Variants in P3H2 observed in about 807,000 individuals in gnomAD.
P3H2 encodes the protein leprecan-like 1.
A neutral mutation model predicts 87.0 loss-of-function variants in P3H2; 80 were observed. That is an observed-to-expected ratio of 0.92 (90% CI 0.77 to 1.11). The LOEUF (loss-of-function observed/expected upper bound fraction) is 1.11, where lower values mean the gene tolerates loss of function less well. Among genes scored for constraint, P3H2 ranks in the 50% least tolerant of loss-of-function variants. The pLI is 0.00. For missense variants in P3H2, 1,001 were observed against 923.9 expected (o/e 1.08, Z -1.08); for synonymous variants, 367 against 359.3 (o/e 1.02, Z -0.24).
At chr3:189,970,713 G>A in intron 13 of P3H2, 103 bp downstream of exon 13, 2 of 736,630 alleles carry the variant, frequency 2.7e-6, no homozygotes, top group Non-Finnish European at 4.9e-6. Context: ...TTGAAATCTT[G>A]AGCTCAGAAG....
intron 1 of P3H2, among the ~76,000 whole-genome samples, chr3:190,048,606 A>G (rs1322515096): frequency 6.6e-6 from 1 of 152,230 alleles, no homozygotes; most frequent in African/African-American, 2.4e-5. Flanking sequence ...CAAGTATATT[A>G]AAAAACAAAC....
At chr3:189,997,054 G>A (rs1257408745) in intron 1 of P3H2, among the ~76,000 whole-genome samples, 3 of 152,232 alleles carry the variant, frequency 2.0e-5, no homozygotes, top group South Asian at 2.1e-4. Flanking sequence ...ACGGAGTCTT[G>A]CTCTGTTGCC....
intron 1 of P3H2, among the ~76,000 whole-genome samples, chr3:190,032,845 G>A (rs1294686971): frequency 6.6e-6 from 1 of 152,116 alleles, no homozygotes; most frequent in Non-Finnish European, 1.5e-5. Context: ...GGATTGTGAG[G>A]AGGTAGGGTA....
rs200896658 is a variant in P3H2 at position 189,974,548 on chromosome 3, G to A, written c.1452+10C>T. On this transcript the variant is annotated intron_variant, in intron 9 of 14. Coordinates refer to ENST00000319332, the MANE Select transcript of P3H2 (RefSeq NM_018192.4). ...GCGCAGTGAGCTCCCCTCCTTCTCC[G>A]GATCCTCACACTGGCCACGCTGTGG... is the stretch of plus-strand genomic sequence containing the variant. 69 of 1,613,152 alleles carry A rather than the reference G, an allele frequency of 4.3e-5. No individual in the cohort carries two copies. Among genetic ancestry groups the A allele is most frequent in the African/African-American group, 2.3e-4 (17 of 74,986 alleles).
At chr3:189,976,085 TA>T (rs11294009) in intron 8 of P3H2, among the ~76,000 whole-genome samples, 79,811 of 151,446 alleles carry the variant, frequency 0.53, 21,609 homozygotes, top group East Asian at 0.8. Context: ...TTTCTGAAAA[TA>T]AAAAGCTACC....
At chr3:190,099,416 T>C (rs1711539753) in intron 1 of P3H2, among the ~76,000 whole-genome samples, 1 of 152,212 alleles carries the variant, frequency 6.6e-6, no homozygotes, top group Non-Finnish European at 1.5e-5. Flanking sequence ...AACGGGTATA[T>C]ATGCAGGGGG....
chr3:190,007,181 G>A (rs917303669), intron 1 of P3H2, among the ~76,000 whole-genome samples: 3 of 152,134 alleles, frequency 2.0e-5, no homozygotes, highest in African/African-American at 7.2e-5. Flanking sequence ...CATTAGCCTG[G>A]TTGTTGTAGG....
chr3:190,079,394 T>C (rs1359231269), intron 1 of P3H2, among the ~76,000 whole-genome samples: 3 of 149,270 alleles, frequency 2.0e-5, no homozygotes, highest in Admixed American at 6.8e-5. Flanking sequence ...ATAATCCTTA[T>C]CTGTAAAGCT....
intron 1 of P3H2, among the ~76,000 whole-genome samples, chr3:190,030,979 C>T (rs1425612930): frequency 3.9e-5 from 6 of 151,968 alleles, no homozygotes; most frequent in Non-Finnish European, 7.4e-5. Flanking sequence ...TACTATAATT[C>T]GTAGTGAATG....
intron 1 of P3H2, among the ~76,000 whole-genome samples, chr3:190,117,377 T>C (rs1321111586): frequency 3.9e-5 from 6 of 152,190 alleles, no homozygotes; most frequent in African/African-American, 1.4e-4. Flanking sequence ...TGAGAGCTTC[T>C]ATAGTTGGAA....
chr3:190,120,026 G>A (rs745631312), intron 1 of P3H2, among the ~76,000 whole-genome samples: 18 of 152,220 alleles, frequency 1.2e-4, no homozygotes, highest in Non-Finnish European at 2.2e-4. Context: ...TCCTCTTTTT[G>A]AGAGAGAAGC....
At chr3:189,962,971 G>A (rs1722861887) in intron 14 of P3H2, among the ~76,000 whole-genome samples, 1 of 152,198 alleles carries the variant, frequency 6.6e-6, no homozygotes, top group African/African-American at 2.4e-5. Flanking sequence ...CCTCTGCTAC[G>A]ATGTTTTAGA....
intron 1 of P3H2, among the ~76,000 whole-genome samples, chr3:190,019,023 C>G (rs140479698): frequency 3.7e-4 from 56 of 152,310 alleles, no homozygotes; most frequent in African/African-American, 1.3e-3. Context: ...CTATGCCACT[C>G]ATCCTTCTCC....
At position 189,963,952 on chromosome 3, in the gene P3H2, A is replaced by T; in HGVS notation, c.2034+6T>A. On this transcript the variant is annotated splice_donor_region_variant and intron_variant, in intron 14 of 14. Transcript: ENST00000319332. Reference sequence around the variant, plus strand: ...AATTGGCTTTCTGGGCGGGTGAGAAACTCACCAATTCTCTATAAAGTGGGT... The same window carrying T: ...AATTGGCTTTCTGGGCGGGTGAGAATCTCACCAATTCTCTATAAAGTGGGT... The T allele has an allele frequency of 6.2e-7, 1 of 1,614,112 alleles. No homozygotes were observed.
chr3:190,048,366 AG>A (rs1400145865), intron 1 of P3H2, among the ~76,000 whole-genome samples: 7 of 152,260 alleles, frequency 4.6e-5, no homozygotes, highest in African/African-American at 1.2e-4. Flanking sequence ...GCATGGTGGC[AG>A]GTGCCTATAA....
intron 1 of P3H2, among the ~76,000 whole-genome samples, chr3:190,106,691 G>A (rs1005157545): frequency 1.6e-4 from 25 of 152,044 alleles, no homozygotes; most frequent in African/African-American, 6.0e-4. Context: ...CTATATACCT[G>A]TTTGATGTCA....
chr3:190,043,706 A>T (rs1725714442), intron 1 of P3H2, among the ~76,000 whole-genome samples: 1 of 152,184 alleles, frequency 6.6e-6, no homozygotes, highest in Non-Finnish European at 1.5e-5. Flanking sequence ...CAGACTTTAT[A>T]CTGTTGTTGA....
At chr3:190,015,631 G>A (rs902982230) in intron 1 of P3H2, among the ~76,000 whole-genome samples, 2 of 152,028 alleles carry the variant, frequency 1.3e-5, no homozygotes, top group Admixed American at 6.6e-5. Flanking sequence ...CCAAGAGTAG[G>A]TCCAGCATTT....
chr3:190,044,094 TTAAAA>T (rs1368797859), intron 1 of P3H2, among the ~76,000 whole-genome samples: 4 of 152,304 alleles, frequency 2.6e-5, no homozygotes, highest in East Asian at 3.9e-4. Context: ...TGCACACCTC[TTAAAA>T]TAAATGCAGG....
Sources: gnomAD v4.1 joint callset for allele counts (sites outside exome capture counted in the v4.1 genomes callset) on GRCh38, gnomAD v4.1.1 for gene constraint, MANE v1.5 for transcripts, NCBI Gene and HGNC (gene_info 2026-07-23, HGNC 2026-07-21) for gene names.